The following KCNQ5 variants were observed in gnomAD, a reference collection of about 807,000 sequenced individuals.
KCNQ5 encodes potassium voltage-gated channel subfamily KQT member 5.
In KCNQ5, 30 loss-of-function variants were observed where a neutral mutation model predicts 98.2. That is an observed-to-expected ratio of 0.31 (90% CI 0.23 to 0.41). The LOEUF is 0.41. Ranked by LOEUF, KCNQ5 falls within the 10% of genes least tolerant of loss-of-function variation. The pLI is 1.00. For synonymous variants in KCNQ5, 458 were observed against 449.4 expected (o/e 1.02, Z -0.24); for missense variants, 835 against 1,182.5 (o/e 0.71, Z 4.31).
chr6:72,798,671 A>G (rs376730893), intron 1 of KCNQ5, among the ~76,000 whole-genome samples: 18 of 152,262 alleles, frequency 1.2e-4, no homozygotes, highest in East Asian at 1.2e-3. Context: ...TTTCCATTTC[A>G]AGCATTAGGT....
intron 1 of KCNQ5, among the ~76,000 whole-genome samples, chr6:72,816,628 T>C (rs1775520968): frequency 6.6e-6 from 1 of 152,172 alleles, no homozygotes; most frequent in Non-Finnish European, 1.5e-5. Flanking sequence ...CCACATCATA[T>C]ATCTAGATTA....
chr6:73,018,021 A>G (rs890316266), intron 2 of KCNQ5, among the ~76,000 whole-genome samples: 2 of 152,124 alleles, frequency 1.3e-5, no homozygotes, highest in African/African-American at 4.8e-5. Context: ...ATCAGGTGAA[A>G]TCAAGTATGA....
chr6:72,827,732 A>G (rs1007839707), intron 1 of KCNQ5, among the ~76,000 whole-genome samples: 1 of 151,978 alleles, frequency 6.6e-6, no homozygotes, highest in African/African-American at 2.4e-5. Context: ...TTTTAGTTTT[A>G]TATAATCCCA....
chr6:73,048,771 G>A (rs1201795104), intron 3 of KCNQ5, among the ~76,000 whole-genome samples: 1 of 151,938 alleles, frequency 6.6e-6, no homozygotes, highest in Non-Finnish European at 1.5e-5. Context: ...ATTTTACATT[G>A]TTTTTTAAAA....
At chr6:72,928,927 G>C (rs955229080) in intron 1 of KCNQ5, among the ~76,000 whole-genome samples, 1 of 152,072 alleles carries the variant, frequency 6.6e-6, no homozygotes, top group Non-Finnish European at 1.5e-5. Context: ...GGGTGTTAGA[G>C]ATATAAAGAT....
intron 1 of KCNQ5, among the ~76,000 whole-genome samples, chr6:72,854,311 C>A (rs1188681017): frequency 6.6e-6 from 1 of 151,836 alleles, no homozygotes; most frequent in Non-Finnish European, 1.5e-5. Flanking sequence ...TTCAAATTAG[C>A]CAACTAATGG....
At chr6:72,874,329 C>T (rs1778323405) in intron 1 of KCNQ5, among the ~76,000 whole-genome samples, 1 of 151,880 alleles carries the variant, frequency 6.6e-6, no homozygotes, top group Non-Finnish European at 1.5e-5. Flanking sequence ...ATTCATCTAC[C>T]TAGAAGAGAT....
intron 1 of KCNQ5, among the ~76,000 whole-genome samples, chr6:72,642,461 C>T (rs1679665625): frequency 6.6e-6 from 1 of 151,824 alleles, no homozygotes; most frequent in South Asian, 2.1e-4. Context: ...CAAACAGATA[C>T]TTTTCAAAAG....
In KCNQ5 at chr6:72,961,600, T is replaced by C. The variant is rs1319643502; in HGVS notation, c.399-42308T>C. Among the ~76,000 whole-genome samples the C allele has an allele frequency of 4.4e-4, 53 of 120,646 alleles. 1 individual carries two copies. Among genetic ancestry groups the C allele is most frequent in the Non-Finnish European group, 7.8e-4 (49 of 63,140 alleles). 79.1% of individuals were successfully genotyped at this position (120,646 alleles called of 152,430 possible). ...TCGCGCCACTGCACTCCAGCCTGGG[T>C]GACAGAGCGAGACTCCGTCTCAAAA... On this transcript the variant is annotated intron_variant, in intron 1 of 13. Coordinates refer to ENST00000370398, the MANE Select transcript of KCNQ5 (RefSeq NM_019842.4).
intron 1 of KCNQ5, among the ~76,000 whole-genome samples, chr6:72,997,082 T>C (rs567635801): frequency 3.9e-4 from 59 of 152,284 alleles, no homozygotes; most frequent in African/African-American, 1.4e-3. Flanking sequence ...AACAGGGCTA[T>C]GCCGCCGTAA....
At chr6:72,837,387 G>T (rs940578646) in intron 1 of KCNQ5, among the ~76,000 whole-genome samples, 3 of 152,164 alleles carry the variant, frequency 2.0e-5, no homozygotes, top group Admixed American at 6.5e-5. Flanking sequence ...TACTTGTCCA[G>T]ATCTGAATCC....
chr6:72,831,744 A>T (rs1286552582), intron 1 of KCNQ5, among the ~76,000 whole-genome samples: 1 of 145,096 alleles, frequency 6.9e-6, no homozygotes, highest in Non-Finnish European at 1.5e-5. Context: ...AAAAAAATAA[A>T]ATAAAATTAA....
intron 1 of KCNQ5, among the ~76,000 whole-genome samples, chr6:72,747,296 C>T (rs564229213): frequency 4.3e-4 from 66 of 152,206 alleles, no homozygotes; most frequent in African/African-American, 1.3e-3. Flanking sequence ...TGCTGTGATA[C>T]CTTATTTAAT....
intron 1 of KCNQ5, among the ~76,000 whole-genome samples, chr6:72,941,560 C>T (rs1389677118): frequency 2.5e-5 from 2 of 80,904 alleles, no homozygotes; most frequent in African/African-American, 7.0e-5. Context: ...TCTTCCCTCC[C>T]TCCTTCCTTC....
intron 2 of KCNQ5, among the ~76,000 whole-genome samples, chr6:73,036,511 A>G (rs1771441334): frequency 6.6e-6 from 1 of 151,444 alleles, no homozygotes; most frequent in Admixed American, 6.6e-5. Flanking sequence ...TCCCTTCTCC[A>G]GCCTGACCCC....
At chr6:73,182,507 A>T (rs1387665135) in intron 11 of KCNQ5, among the ~76,000 whole-genome samples, 1 of 151,824 alleles carries the variant, frequency 6.6e-6, no homozygotes, top group Non-Finnish European at 1.5e-5. Flanking sequence ...GGACTCCCCT[A>T]CTCCTCTGGT....
intron 10 of KCNQ5, among the ~76,000 whole-genome samples, chr6:73,148,916 CAAGTAATAAACCTCAGG>C (rs1308397282): frequency 2.6e-5 from 4 of 152,098 alleles, no homozygotes; most frequent in African/African-American, 9.7e-5. Flanking sequence ...GAGAAGGGAG[CAAGTAATAAACCTCAGG>C]AAAAATAGTT....
chr6:72,712,639 T>C (rs1169215285), intron 1 of KCNQ5, among the ~76,000 whole-genome samples: 2 of 152,080 alleles, frequency 1.3e-5, no homozygotes, highest in Non-Finnish European at 1.5e-5. Context: ...ATAATGACAG[T>C]TGGGGAAAAA....
At chr6:72,822,274 G>C (rs781640306) in intron 1 of KCNQ5, among the ~76,000 whole-genome samples, 1 of 152,104 alleles carries the variant, frequency 6.6e-6, no homozygotes, top group Non-Finnish European at 1.5e-5. Flanking sequence ...ATCATTTCTT[G>C]GTCAGCATCT....
Sources: allele counts gnomAD v4.1 joint callset (sites outside exome capture counted in the v4.1 genomes callset), GRCh38; gene constraint gnomAD v4.1.1; transcripts MANE v1.5; gene names NCBI Gene and HGNC (gene_info 2026-07-23, HGNC 2026-07-21).